The following DNAH9 variants were observed in gnomAD, a reference collection of about 807,000 sequenced individuals.
DNAH9 encodes the protein DNAH9 variant protein.
Under a neutral mutation model 471.6 loss-of-function variants are expected in DNAH9, and 345 were observed. The ratio of observed to expected loss-of-function variants is 0.73; its 90% CI spans 0.67 to 0.80. DNAH9 has a LOEUF of 0.80. Among genes scored for constraint, DNAH9 ranks in the 30% least tolerant of loss-of-function variants. DNAH9 has a pLI of 0.00. For missense variants in DNAH9, 5,407 were observed against 5,609.2 expected (o/e 0.96, Z 1.15); for synonymous variants, 2,093 against 2,123.6 (o/e 0.99, Z 0.40).
At position 11,807,746 on chromosome 17, in the gene DNAH9, G is replaced by T. The variant is rs371741808; in HGVS notation, c.8435G>T (p.Arg2812Leu). 4 of 1,607,162 alleles carry T rather than the reference G, an allele frequency of 2.5e-6. No individual in the cohort carries two copies. The highest frequency in any genetic ancestry group is 1.7e-5 in the Admixed American group (1 of 59,740). Reference protein sequence around the residue: ...DAMRHVCHINRILESPRGNAL... With the variant: ...DAMRHVCHINLILESPRGNAL... ...CTTCTCTTTAGCTGCCATATCAATC[G>T]CATCTTGGAGTCCCCGCGGGGAAAT... Residue 2812 changes from arginine (R) to leucine (L), a missense_variant, in exon 44 of 69, where the codon CGC (arginine) becomes CTC (leucine). Arg to Leu is a moderately radical substitution (Grantham distance 102). Transcript: ENST00000262442.
intron 63 of DNAH9, among the ~76,000 whole-genome samples, chr17:11,931,166 A>G (rs550625556): frequency 3.9e-5 from 6 of 152,322 alleles, no homozygotes; most frequent in Non-Finnish European, 5.9e-5. Context: ...AGTGGAGGCC[A>G]TCGGATCACC....
chr17:11,935,583 TC>T (rs1974685152), intron 65 of DNAH9, among the ~76,000 whole-genome samples: 1 of 150,116 alleles, frequency 6.7e-6, no homozygotes, highest in South Asian at 2.1e-4. Context: ...ATCATGTTGG[TC>T]AGGCTGGTCT....
At chr17:11,677,528 GC>G in intron 17 of DNAH9, among the ~76,000 whole-genome samples, 1 of 152,046 alleles carries the variant, frequency 6.6e-6, no homozygotes, top group Non-Finnish European at 1.5e-5. Context: ...ACCTTGCTGT[GC>G]CCTTCCATTA....
chr17:11,655,547 T>C (rs1567695709), intron 14 of DNAH9, among the ~76,000 whole-genome samples: 1 of 152,014 alleles, frequency 6.6e-6, no homozygotes. Flanking sequence ...AAGGGACCTT[T>C]ATGACTACCC....
intron 45 of DNAH9, among the ~76,000 whole-genome samples, chr17:11,820,425 G>A (rs369285239): frequency 2.0e-5 from 3 of 152,076 alleles, no homozygotes; most frequent in Admixed American, 6.5e-5. Context: ...AAAATAAGGT[G>A]TAGTTTTAAT....
chr17:11,819,457 G>A (rs994887870), intron 45 of DNAH9, among the ~76,000 whole-genome samples: 5 of 151,978 alleles, frequency 3.3e-5, no homozygotes, highest in African/African-American at 1.2e-4. Context: ...TTGCTCTGAA[G>A]CGCAGGCTGG....
chr17:11,783,701 T>C lies in DNAH9; in HGVS notation c.7774T>C (p.Cys2592Arg). ...KEITNVQYVS[C>R]MNPTAGSFTI... ...GATCACAAATGTACAGTATGTTTCCTGTATGAACCCCACGGCAGGCAGCTT... is the reference window on the plus strand; with the variant it reads ...GATCACAAATGTACAGTATGTTTCCCGTATGAACCCCACGGCAGGCAGCTT... Residue 2592 changes from cysteine (C) to arginine (R), a missense_variant, in exon 40 of 69, where the codon TGT becomes CGT. Physicochemically the swap from Cys to Arg is radical, Grantham distance 180. Coordinates refer to ENST00000262442, the MANE Select transcript of DNAH9 (RefSeq NM_001372.4). The C allele has an allele frequency of 1.2e-6, 2 of 1,614,158 alleles. No individual in the cohort carries two copies. The highest frequency in any genetic ancestry group is 1.7e-6 in the Non-Finnish European group (2 of 1,180,030).
chr17:11,653,881 G>A (rs1216193272), intron 14 of DNAH9, among the ~76,000 whole-genome samples: 2 of 151,958 alleles, frequency 1.3e-5, no homozygotes, highest in Admixed American at 6.6e-5. Context: ...CTTTTCATTC[G>A]TCTTTCTTTC....
In DNAH9 at chr17:11,797,609, C is replaced by T; in HGVS notation, c.8236C>T (p.Pro2746Ser). ...GTCTCATCACCAGGATATTGAAGAC[C>T]CTGTGGAGCAGACCCAAAGCCCGAA... ...LKKTFDDIEDPVEQTQSPNLY... is the reference protein window; with the variant it reads ...LKKTFDDIEDSVEQTQSPNLY... Residue 2746 changes from proline (P) to serine (S), a missense_variant, in exon 43 of 69, where the codon CCT becomes TCT. This residue lies in a region of DNAH9 where 4,636 missense variants were observed against 4,900.3 expected (regional missense o/e 0.95). Coordinates refer to ENST00000262442, the MANE Select transcript of DNAH9 (RefSeq NM_001372.4). The T allele has an allele frequency of 1.2e-6, 2 of 1,612,240 alleles. No homozygotes were observed. Among genetic ancestry groups the T allele is most frequent in the Non-Finnish European group, 1.7e-6 (2 of 1,179,418 alleles).
chr17:11,764,850 C>T (rs967054069), intron 36 of DNAH9, among the ~76,000 whole-genome samples: 3 of 152,094 alleles, frequency 2.0e-5, no homozygotes, highest in Non-Finnish European at 2.9e-5. Context: ...TAGATTGTGG[C>T]GATGGTTTCA....
intron 28 of DNAH9, among the ~76,000 whole-genome samples, chr17:11,736,312 A>T (rs1021113891): frequency 3.3e-5 from 5 of 152,216 alleles, no homozygotes; most frequent in Non-Finnish European, 7.3e-5. Context: ...CTGTGGCTTT[A>T]AGATCTTCAG....
chr17:11,893,708 C>T (rs12952739), intron 58 of DNAH9, among the ~76,000 whole-genome samples: 55,950 of 151,242 alleles, frequency 0.37, 11,346 homozygotes, highest in Middle Eastern at 0.52. Context: ...TGGGGCCTGT[C>T]AGGGGGTGGA....
At chr17:11,748,955 A>C (rs778700789) in intron 32 of DNAH9, among the ~76,000 whole-genome samples, 5 of 151,750 alleles carry the variant, frequency 3.3e-5, no homozygotes, top group Admixed American at 6.6e-5. Context: ...ACCAGAGTCT[A>C]ATTTTTATTT....
At chr17:11,888,826 A>G (rs754912044) in intron 57 of DNAH9, among the ~76,000 whole-genome samples, 25 of 152,196 alleles carry the variant, frequency 1.6e-4, no homozygotes, top group Non-Finnish European at 4.4e-5. Context: ...GTTGGATTTA[A>G]CAGTTCCCCA....
At chr17:11,712,783 T>C (rs2074895750) in intron 26 of DNAH9, among the ~76,000 whole-genome samples, 1 of 152,132 alleles carries the variant, frequency 6.6e-6, no homozygotes. Context: ...TATTATTGAG[T>C]TTGAGAATTC....
Position 11,719,357 on chromosome 17 carries a change from C to G in DNAH9, c.5576C>G (p.Ser1859Cys). 1 of 1,614,084 alleles carries G rather than the reference C, an allele frequency of 6.2e-7. No individual in the cohort carries two copies. The highest frequency in any genetic ancestry group is 8.5e-7 in the Non-Finnish European group (1 of 1,179,990). The change falls in exon 27 of 69, where the codon TCC (serine) becomes TGC (cysteine). Residue 1859 changes from serine (S) to cysteine (C), a missense_variant. Transcript: ENST00000262442. ...TDRCYITLTQ[S>C]LHLTMSGAPA... is the part of the protein sequence containing the mutation. ...AGGTGCTACATCACCCTCACCCAGT[C>G]CCTGCACCTGACCATGAGTGGGGCT...
intron 40 of DNAH9, 46 bp downstream of exon 40, chr17:11,783,794 GA>G: frequency 1.4e-6 from 2 of 1,465,860 alleles, no homozygotes; most frequent in Non-Finnish European, 1.9e-6. Context: ...TATCTTACTA[GA>G]GCTGATGCCC....
intron 57 of DNAH9, among the ~76,000 whole-genome samples, chr17:11,888,998 G>A (rs184227011): frequency 6.6e-6 from 1 of 152,194 alleles, no homozygotes; most frequent in Non-Finnish European, 1.5e-5. Flanking sequence ...CAACAGCCAG[G>A]TTTTGAACTT....
At chr17:11,878,165 C>T (rs1320519075) in intron 53 of DNAH9, among the ~76,000 whole-genome samples, 1 of 152,204 alleles carries the variant, frequency 6.6e-6, no homozygotes, top group Non-Finnish European at 1.5e-5. Flanking sequence ...GTTCTTTTTG[C>T]TCATTGCAGT....
Sources: gnomAD v4.1 joint callset for allele counts (sites outside exome capture counted in the v4.1 genomes callset) on GRCh38, gnomAD v4.1.1 for gene constraint, gnomAD v4.1.1 regional missense constraint, MANE v1.5 for transcripts, NCBI Gene and HGNC (gene_info 2026-07-23, HGNC 2026-07-21) for gene names.